NEBL: variants seen among roughly 807,000 people sequenced by gnomAD.
The protein encoded by NEBL is LIM and SH3 protein 2.
In NEBL, 122 loss-of-function variants were observed where a neutral mutation model predicts 140.2. That is an observed-to-expected ratio of 0.87 (90% CI 0.75 to 1.01). The LOEUF (loss-of-function observed/expected upper bound fraction) is 1.01, where lower values mean the gene tolerates loss of function less well. Among genes scored for constraint, NEBL ranks in the 50% least tolerant of loss-of-function variants. NEBL has a pLI of 0.00. For missense variants in NEBL, 1,365 were observed against 1,231.3 expected (o/e 1.11, Z -1.62); for synonymous variants, 436 against 398.9 (o/e 1.09, Z -1.11).
intron 3 of NEBL, among the ~76,000 whole-genome samples, chr10:21,239,688 C>T (rs1254725373): frequency 1.3e-5 from 2 of 152,138 alleles, no homozygotes; most frequent in Non-Finnish European, 2.9e-5. Context: ...TCTTAGCCAG[C>T]CTCGTCCAAA....
At chr10:20,843,934 T>C (rs1841635387) in intron 12 of NEBL, among the ~76,000 whole-genome samples, 1 of 152,108 alleles carries the variant, frequency 6.6e-6, no homozygotes, top group Admixed American at 6.6e-5. Context: ...CATTCCTTTG[T>C]ATCGATTAAC....
chr10:20,995,485 C>CT (rs1837631619), intron 3 of NEBL, among the ~76,000 whole-genome samples: 1 of 152,078 alleles, frequency 6.6e-6, no homozygotes, highest in Non-Finnish European at 1.5e-5. Context: ...AGTAAAGATC[C>CT]TCCAGTTCAG....
chr10:20,918,804 T>C (rs1175381767), intron 4 of NEBL, among the ~76,000 whole-genome samples: 1 of 151,910 alleles, frequency 6.6e-6, no homozygotes, highest in Admixed American at 6.5e-5. Flanking sequence ...TGAGCCGAGA[T>C]TGCACCACTG....
chr10:21,080,942 C>T (rs1836342117), intron 2 of NEBL, among the ~76,000 whole-genome samples: 1 of 152,290 alleles, frequency 6.6e-6, no homozygotes. Context: ...TTAACCTCTG[C>T]CTCCTGGGTT....
intron 2 of NEBL, among the ~76,000 whole-genome samples, chr10:21,093,165 T>TTC (rs1554824236): frequency 2.0e-5 from 3 of 148,020 alleles, no homozygotes; most frequent in African/African-American, 5.0e-5. Flanking sequence ...TTTTTTTTTT[T>TTC]CCATTTTAGC....
intron 3 of NEBL, among the ~76,000 whole-genome samples, chr10:21,205,355 T>C (rs1047481411): frequency 1.3e-5 from 2 of 152,234 alleles, no homozygotes; most frequent in African/African-American, 2.4e-5. Flanking sequence ...TGTATTGTGA[T>C]GAACACATAA....
At chr10:21,266,934 G>A (rs1022812021) in intron 1 of NEBL, among the ~76,000 whole-genome samples, 1 of 152,012 alleles carries the variant, frequency 6.6e-6, no homozygotes, top group African/African-American at 2.4e-5. Flanking sequence ...GCACCACCAT[G>A]ACTGGATAAT....
intron 1 of NEBL, among the ~76,000 whole-genome samples, chr10:21,275,807 ATT>A (rs959684198): frequency 1.1e-4 from 13 of 113,774 alleles, no homozygotes; most frequent in Middle Eastern, 5.1e-3. Flanking sequence ...CACCCAGCTA[ATT>A]TTTTTTTTTT....
At chr10:21,227,711 T>TTCTTCTTCTCC (rs1456600511) in intron 3 of NEBL, among the ~76,000 whole-genome samples, 1 of 46,424 alleles carries the variant, frequency 2.2e-5, no homozygotes, top group African/African-American at 6.6e-5. Flanking sequence ...CTTCTTCTTC[T>TTCTTCTTCTCC]TTCTTCTTCT....
intron 2 of NEBL, among the ~76,000 whole-genome samples, chr10:21,123,020 A>G (rs1838651111): frequency 6.6e-6 from 1 of 152,208 alleles, no homozygotes; most frequent in Non-Finnish European, 1.5e-5. Flanking sequence ...TCTAATAACA[A>G]GCCAGAAATT....
At chr10:21,211,934 G>C (rs769797155) in intron 3 of NEBL, among the ~76,000 whole-genome samples, 17 of 152,108 alleles carry the variant, frequency 1.1e-4, no homozygotes, top group Non-Finnish European at 1.8e-4. Flanking sequence ...TTACTATCAA[G>C]TGTGTTTGCT....
intron 3 of NEBL, among the ~76,000 whole-genome samples, chr10:20,984,965 T>C (rs1190186944): frequency 1.3e-5 from 2 of 152,160 alleles, no homozygotes; most frequent in African/African-American, 4.8e-5. Context: ...GCTTGCCTCT[T>C]ATGAGAGTCT....
intron 4 of NEBL, among the ~76,000 whole-genome samples, chr10:20,954,275 A>G (rs11012415): frequency 0.17 from 25,986 of 152,186 alleles, 2,749 homozygotes; most frequent in East Asian, 0.34. Context: ...CAAGGCCAGG[A>G]GATTCACTCA....
intron 2 of NEBL, among the ~76,000 whole-genome samples, chr10:21,113,680 A>C (rs1838152382): frequency 6.6e-6 from 1 of 152,118 alleles, no homozygotes; most frequent in South Asian, 2.1e-4. Context: ...GTTTGTAAAA[A>C]TGGAACTCCT....
intron 3 of NEBL, among the ~76,000 whole-genome samples, chr10:20,967,396 G>A (rs1169897128): frequency 1.3e-5 from 2 of 152,320 alleles, no homozygotes; most frequent in African/African-American, 4.8e-5. Flanking sequence ...GGGAGGCCGG[G>A]GCAGGTGGAT....
At chr10:20,945,531 CTGGAAAAA>C (rs1436648997) in intron 4 of NEBL, among the ~76,000 whole-genome samples, 1 of 152,168 alleles carries the variant, frequency 6.6e-6, no homozygotes, top group Non-Finnish European at 1.5e-5. Flanking sequence ...GGTAAATTGT[CTGGAAAAA>C]TGCAAAGCCT....
intron 3 of NEBL, among the ~76,000 whole-genome samples, chr10:21,223,120 G>A (rs771108027): frequency 1.3e-5 from 2 of 152,126 alleles, no homozygotes; most frequent in Non-Finnish European, 2.9e-5. Flanking sequence ...ACTCTGTTGT[G>A]CCATCAAATA....
At chr10:20,874,388 A>T (rs761529261) in intron 5 of NEBL, among the ~76,000 whole-genome samples, 7 of 152,208 alleles carry the variant, frequency 4.6e-5, no homozygotes, top group Non-Finnish European at 8.8e-5. Flanking sequence ...ACGTAACCCA[A>T]CCAAGGCCAG....
chr10:21,174,023 C>A (rs1400226295), exon 1 of NEBL: 1 of 1,150,860 alleles, frequency 8.7e-7, no homozygotes, highest in Non-Finnish European at 1.1e-6. Context: ...CGCCTGGGGC[C>A]GGCCGCGCTC....
Sources: allele counts gnomAD v4.1 joint callset (sites outside exome capture counted in the v4.1 genomes callset), GRCh38; gene constraint gnomAD v4.1.1; transcripts MANE v1.5; gene names NCBI Gene and HGNC (gene_info 2026-07-23, HGNC 2026-07-21).